DYRK1A: variants seen among roughly 807,000 people sequenced by gnomAD.
DYRK1A encodes the protein dual specificity tyrosine-phosphorylation-regulated kinase 1A.
Under a neutral mutation model 79.7 loss-of-function variants are expected in DYRK1A, and 9 were observed. The observed-to-expected ratio is 0.11, with a 90% confidence interval of 0.07 to 0.20. The LOEUF (loss-of-function observed/expected upper bound fraction) is 0.20. DYRK1A is among the 10% of genes least tolerant of loss of function. The pLI, the probability that DYRK1A is intolerant of heterozygous loss-of-function variation, is 1.00. For missense variants in DYRK1A, 622 were observed against 956.0 expected, an observed-to-expected ratio of 0.65 and a Z score of 4.61; for synonymous variants, 349 against 329.7, an observed-to-expected ratio of 1.06 and a Z score of -0.63.
intron 1 of DYRK1A, among the ~76,000 whole-genome samples, chr21:37,403,451 A>G (rs893830860): frequency 2.0e-5 from 3 of 151,402 alleles, no homozygotes; most frequent in Non-Finnish European, 4.4e-5. Flanking sequence ...TTATTTTTGT[A>G]TTAAAAAACA....
Position 37,488,316 on chromosome 21 carries a change from A to G in DYRK1A, c.637+1702A>G, listed in dbSNP as rs961561677. ...AAACAAAAGAACTTTAGATTAGACA[A>G]GTTCATATCAATTGAATTGATACCT... On this transcript the variant is annotated intron_variant, in intron 6 of 11. Coordinates refer to ENST00000647188, the MANE Select transcript of DYRK1A (RefSeq NM_001347721.2). 2.5e-5 allele frequency: 24 copies of G among 964,744 alleles called. No homozygotes were observed. The African/African-American group carries it at 3.9e-4, about 16-fold the overall frequency. 59.8% of individuals were successfully genotyped at this position (964,744 alleles called of 1,614,324 possible).
chr21:37,399,311 G>C (rs1030357760), intron 1 of DYRK1A, among the ~76,000 whole-genome samples: 1 of 152,074 alleles, frequency 6.6e-6, no homozygotes, highest in Non-Finnish European at 1.5e-5. Flanking sequence ...CAGCACATTT[G>C]GTTTGCCTTG....
At chr21:37,477,926 G>A (rs1419312189) in intron 3 of DYRK1A, among the ~76,000 whole-genome samples, 6 of 152,168 alleles carry the variant, frequency 3.9e-5, no homozygotes, top group East Asian at 3.8e-4. Context: ...CTAGATTGGC[G>A]TATGTCTGCA....
chr21:37,419,679 C>T (rs1306880968), intron 1 of DYRK1A: 3 of 152,048 alleles, frequency 2.0e-5, no homozygotes, highest in Non-Finnish European at 4.4e-5. Context: ...TTTCATTTTC[C>T]TGTAAGTCAT....
chr21:37,384,844 T>A (rs1329111219), intron 1 of DYRK1A, among the ~76,000 whole-genome samples: 1 of 152,118 alleles, frequency 6.6e-6, no homozygotes, highest in Non-Finnish European at 1.5e-5. Context: ...ATATGTGATA[T>A]GAAAAATATA....
chr21:37,375,519 CTTTTTTTTTTTT>C (rs58948987), intron 1 of DYRK1A, among the ~76,000 whole-genome samples: 1 of 81,458 alleles, frequency 1.2e-5, no homozygotes, highest in African/African-American at 4.5e-5. Context: ...AGGAATATTA[CTTTTTTTTTTTT>C]TTTTTTTTTT....
intron 8 of DYRK1A, among the ~76,000 whole-genome samples, chr21:37,494,911 G>GC (rs766970637): frequency 4.2e-4 from 63 of 149,150 alleles, no homozygotes; most frequent in Non-Finnish European, 6.4e-4. Flanking sequence ...TCACGCCACT[G>GC]CCCTCTAGCT....
chr21:37,509,085 ATAAG>A (rs2053679764), intron 11 of DYRK1A, among the ~76,000 whole-genome samples: 1 of 152,240 alleles, frequency 6.6e-6, no homozygotes, highest in East Asian at 1.9e-4. Context: ...GGTTTTAAAA[ATAAG>A]TAAATATAAA....
At chr21:37,401,831 G>T (rs780497203) in intron 1 of DYRK1A, among the ~76,000 whole-genome samples, 2 of 152,078 alleles carry the variant, frequency 1.3e-5, no homozygotes, top group Non-Finnish European at 2.9e-5. Context: ...TGTAATGAAA[G>T]GTTCTTTGTA....
At chr21:37,470,005 G>A (rs150315503) in intron 2 of DYRK1A, among the ~76,000 whole-genome samples, 9,732 of 152,186 alleles carry the variant, frequency 0.064, 1,043 homozygotes, top group African/African-American at 0.22. Context: ...ATTAGCCAGC[G>A]TGGTGGTGGG....
At position 37,490,402 on chromosome 21, in the gene DYRK1A, C is replaced by A; in HGVS notation, c.865C>A (p.Pro289Thr). 1 of 1,613,556 alleles carries A rather than the reference C, an allele frequency of 6.2e-7. No individual in the cohort carries two copies. The highest frequency in any genetic ancestry group is 8.5e-7 in the Non-Finnish European group (1 of 1,179,672). The change falls in exon 7 of 12, where the codon CCC (proline) becomes ACC (threonine). Residue 289 changes from proline to threonine, a missense_variant. By Grantham distance (38) the Pro-to-Thr change is conservative (BLOSUM62 -1). This residue lies in a region of DYRK1A where 138 missense variants were observed against 346.4 expected (regional missense o/e 0.40). Transcript: ENST00000647188. The stretch of plus-strand genomic sequence containing the variant: ...ACCTGAAAATATCCTTCTTTGTAAC[C>A]CCAAACGCAGTGCAATCAAGATAGT... ...LKPENILLCN[P>T]KRSAIKIVDF...
chr21:37,455,325 G>A (rs893243436), intron 2 of DYRK1A, among the ~76,000 whole-genome samples: 4 of 151,594 alleles, frequency 2.6e-5, no homozygotes, highest in Admixed American at 6.6e-5. Flanking sequence ...CTTTTATTTT[G>A]TACCCTTTTT....
chr21:37,506,625 G>A (rs1273751544), intron 11 of DYRK1A, among the ~76,000 whole-genome samples: 1 of 152,104 alleles, frequency 6.6e-6, no homozygotes, highest in African/African-American at 2.4e-5. Context: ...AGCATTTATA[G>A]TCCTGGATTC....
chr21:37,435,694 G>A (rs1271226213), intron 2 of DYRK1A, among the ~76,000 whole-genome samples: 4 of 152,176 alleles, frequency 2.6e-5, no homozygotes, highest in African/African-American at 9.7e-5. Flanking sequence ...CTTGTAGTAA[G>A]TAGCATGCTT....
At chr21:37,394,181 C>A (rs896822602) in intron 1 of DYRK1A, among the ~76,000 whole-genome samples, 3 of 150,050 alleles carry the variant, frequency 2.0e-5, no homozygotes, top group East Asian at 1.9e-4. Flanking sequence ...TCCTACTGAC[C>A]GATTCATTTT....
Position 37,516,949 on chromosome 21 carries a change from A to T in DYRK1A, c.*4418A>T, listed in dbSNP as rs2053887000. On this transcript the variant is annotated 3_prime_UTR_variant, in exon 12 of 12. Transcript: ENST00000647188. ...CAGTATGCAGCTGCTGTACCTGAAA[A>T]TTTTTCCCCATAATTTCCCATCTTT... is the stretch of plus-strand genomic sequence containing the variant. 2 of 151,936 alleles carry T rather than the reference A, an allele frequency of 1.3e-5. No individual in the cohort carries two copies. The highest frequency in any genetic ancestry group is 6.6e-5 in the Admixed American group (1 of 15,252). The allele number at this position is 151,936 out of a possible 1,614,324, so 9.4% of individuals were successfully genotyped here.
At chr21:37,374,211 T>C (rs2049490717) in intron 1 of DYRK1A, among the ~76,000 whole-genome samples, 1 of 151,928 alleles carries the variant, frequency 6.6e-6, no homozygotes, top group Admixed American at 6.6e-5. Context: ...ACCAACTGAA[T>C]GTCTTCTTGC....
At chr21:37,396,826 A>G (rs8132256) in intron 1 of DYRK1A, among the ~76,000 whole-genome samples, 8,109 of 152,198 alleles carry the variant, frequency 0.053, 763 homozygotes, top group African/African-American at 0.18. Context: ...TATCATGTAG[A>G]GAGTAGTGAA....
chr21:37,486,742 T>G, intron 6 of DYRK1A, 128 bp downstream of exon 6: 1 of 950,990 alleles, frequency 1.1e-6, no homozygotes, highest in Non-Finnish European at 1.4e-6. Flanking sequence ...TTATTTCTGT[T>G]GGACAGCAAG....
Sources: gnomAD v4.1 joint callset for allele counts (sites outside exome capture counted in the v4.1 genomes callset) on GRCh38, gnomAD v4.1.1 for gene constraint, gnomAD v4.1.1 regional missense constraint, MANE v1.5 for transcripts, NCBI Gene and HGNC (gene_info 2026-07-23, HGNC 2026-07-21) for gene names.